The following FAM210A variants were observed in gnomAD, a reference collection of about 807,000 sequenced individuals.
FAM210A encodes mitochondrial inner membrane scaffold 1, also known as family with sequence similarity 210 member A.
FAM210A carries 13 observed loss-of-function variants against 25.3 expected under a neutral mutation model. The observed-to-expected ratio is 0.51, with a 90% confidence interval of 0.33 to 0.82. FAM210A has a LOEUF of 0.82. Among genes scored for constraint, FAM210A ranks in the 40% least tolerant of loss-of-function variants. The pLI, the probability that FAM210A is intolerant of heterozygous loss-of-function variation, is 0.02. For missense variants in FAM210A, 319 were observed against 323.2 expected (o/e 0.99, Z 0.10); for synonymous variants, 125 against 118.7 (o/e 1.05, Z -0.35).
In FAM210A at chr18:13,665,497, C is replaced by T. The variant is rs112732359; in HGVS notation, c.*983G>A. On this transcript the variant is annotated 3_prime_UTR_variant, in exon 4 of 4. Coordinates refer to ENST00000651643, the MANE Select transcript of FAM210A (RefSeq NM_152352.4). The stretch of plus-strand genomic sequence containing the variant: ...TTAAAACTTTACTCCATAATGAAAT[C>T]AGCATGAATTCTGAAACTAAGACAT... 1.3e-5 allele frequency: 2 copies of T among 150,330 alleles called. No individual in the cohort carries two copies. The highest frequency in any genetic ancestry group is 4.9e-5 in the African/African-American group (2 of 40,964). The allele number at this position is 150,330 out of a possible 1,614,324, so 9.3% of individuals were successfully genotyped here.
intron 1 of FAM210A, among the ~76,000 whole-genome samples, chr18:13,693,258 C>A (rs1211729329): frequency 6.6e-6 from 1 of 150,886 alleles, no homozygotes; most frequent in African/African-American, 2.4e-5. Flanking sequence ...AATAATAGCC[C>A]ACCAACCAAA....
chr18:13,668,533 C>A (rs2043419046), intron 3 of FAM210A, among the ~76,000 whole-genome samples: 2 of 152,326 alleles, frequency 1.3e-5, no homozygotes, highest in Middle Eastern at 3.4e-3. Flanking sequence ...ATACAACCAC[C>A]TCCATTTGCA....
At chr18:13,710,096 C>CT (rs2043809555) in intron 1 of FAM210A, among the ~76,000 whole-genome samples, 1 of 152,176 alleles carries the variant, frequency 6.6e-6, no homozygotes. Flanking sequence ...TGTTTGGGTA[C>CT]TGAAATTGCC....
At chr18:13,678,470 A>G (rs370865408) in intron 2 of FAM210A, among the ~76,000 whole-genome samples, 4 of 152,110 alleles carry the variant, frequency 2.6e-5, no homozygotes, top group Non-Finnish European at 1.5e-5. Context: ...TTGTATTTTT[A>G]GTAGAGATGG....
chr18:13,713,024 C>A (rs2043833710), intron 1 of FAM210A, among the ~76,000 whole-genome samples: 1 of 152,144 alleles, frequency 6.6e-6, no homozygotes, highest in African/African-American at 2.4e-5. Context: ...TGTTACAAAC[C>A]CCGGAGATGT....
intron 1 of FAM210A, among the ~76,000 whole-genome samples, chr18:13,711,150 T>C (rs534453614): frequency 1.3e-5 from 2 of 152,302 alleles, no homozygotes; most frequent in East Asian, 3.9e-4. Flanking sequence ...GGCAGGCAGA[T>C]CACCTGAGGT....
chr18:13,689,532 T>C (rs1258333412), intron 1 of FAM210A, among the ~76,000 whole-genome samples: 1 of 152,192 alleles, frequency 6.6e-6, no homozygotes, highest in African/African-American at 2.4e-5. Flanking sequence ...ACAAACCTAT[T>C]GCTAAACTCA....
intron 1 of FAM210A, among the ~76,000 whole-genome samples, chr18:13,688,250 C>T (rs939110367): frequency 3.5e-4 from 53 of 152,166 alleles, no homozygotes; most frequent in Admixed American, 7.2e-4. Flanking sequence ...CGTGTGTGCC[C>T]GCTCTCTCCC....
At chr18:13,686,409 AT>A (rs2043597286) in intron 1 of FAM210A, among the ~76,000 whole-genome samples, 1 of 152,240 alleles carries the variant, frequency 6.6e-6, no homozygotes, top group Non-Finnish European at 1.5e-5. Context: ...CGTATAGCCA[AT>A]AACTCAATGC....
chr18:13,675,968 C>T (rs866707640), intron 2 of FAM210A, among the ~76,000 whole-genome samples: 1 of 23,262 alleles, frequency 4.3e-5, no homozygotes, highest in Non-Finnish European at 1.2e-4. Flanking sequence ...ATTAACATTC[C>T]TGAGCCGTGG....
intron 1 of FAM210A, among the ~76,000 whole-genome samples, chr18:13,683,069 C>G (rs1008535399): frequency 1.3e-5 from 2 of 152,048 alleles, no homozygotes; most frequent in Non-Finnish European, 2.9e-5. Flanking sequence ...TTTCAGGAAC[C>G]AAGCCCATGT....
At chr18:13,723,540 A>G (rs2043912907) in intron 1 of FAM210A, among the ~76,000 whole-genome samples, 1 of 152,198 alleles carries the variant, frequency 6.6e-6, no homozygotes, top group South Asian at 2.1e-4. Flanking sequence ...TCTTGAGGAA[A>G]ATACTGTCTT....
intron 1 of FAM210A, among the ~76,000 whole-genome samples, chr18:13,702,418 C>T (rs1191398991): frequency 2.6e-5 from 4 of 152,234 alleles, no homozygotes; most frequent in Non-Finnish European, 4.4e-5. Flanking sequence ...CTGCTCAAGA[C>T]GGCCCAGCAA....
intron 1 of FAM210A, among the ~76,000 whole-genome samples, chr18:13,719,900 T>C (rs1853463559): frequency 6.6e-6 from 1 of 152,216 alleles, no homozygotes; most frequent in Non-Finnish European, 1.5e-5. Context: ...TCATCTCATT[T>C]ATTCTATAAA....
intron 2 of FAM210A, among the ~76,000 whole-genome samples, chr18:13,677,752 C>T (rs775595577): frequency 2.0e-5 from 3 of 152,176 alleles, no homozygotes; most frequent in East Asian, 1.9e-4. Flanking sequence ...AAGGCAGGGT[C>T]GGTAGACCTC....
At chr18:13,679,236 C>G (rs2043529270) in intron 2 of FAM210A, among the ~76,000 whole-genome samples, 2 of 152,174 alleles carry the variant, frequency 1.3e-5, no homozygotes, top group Admixed American at 1.3e-4. Context: ...GCCCATCTTT[C>G]CAGCTACAAA....
chr18:13,672,031 A>T, intron 2 of FAM210A, 58 bp from the exon 3 acceptor site: 1 of 1,259,944 alleles, frequency 7.9e-7, no homozygotes, highest in Non-Finnish European at 1.1e-6. Context: ...ATTTTCAAAA[A>T]TTATCTGAAA....
chr18:13,670,131 A>G (rs1294147733), intron 3 of FAM210A, among the ~76,000 whole-genome samples: 1 of 152,200 alleles, frequency 6.6e-6, no homozygotes, highest in Non-Finnish European at 1.5e-5. Flanking sequence ...GTGCAGTGAA[A>G]AAAAACAAGA....
chr18:13,711,110 G>A (rs889037863), intron 1 of FAM210A, among the ~76,000 whole-genome samples: 3 of 152,212 alleles, frequency 2.0e-5, no homozygotes, highest in Admixed American at 6.5e-5. Flanking sequence ...GGAGGCTCAC[G>A]CCTGTAATCT....
Sources: allele counts gnomAD v4.1 joint callset (sites outside exome capture counted in the v4.1 genomes callset), GRCh38; gene constraint gnomAD v4.1.1; transcripts MANE v1.5; gene names NCBI Gene and HGNC (gene_info 2026-07-23, HGNC 2026-07-21).